The following PCDH11X variants were observed in gnomAD, a reference collection of about 807,000 sequenced individuals.
PCDH11X encodes protocadherin 11 X-linked, also known as protocadherin-11 X-linked.
In PCDH11X, 18 loss-of-function variants were observed where a neutral mutation model predicts 53.3. The ratio of observed to expected loss-of-function variants is 0.34; its 90% confidence interval spans 0.23 to 0.50. PCDH11X has a LOEUF of 0.50. Ranked by LOEUF, PCDH11X falls within the 20% of genes least tolerant of loss-of-function variation. PCDH11X has a pLI of 0.98. For missense variants in PCDH11X, 570 were observed against 1,032.4 expected (o/e 0.55, Z 6.14); for synonymous variants, 279 against 393.3 (o/e 0.71, Z 3.44).
intron 6 of PCDH11X, among the ~76,000 whole-genome samples, chrX:91,954,642 A>G (rs1331994671): frequency 5.4e-5 from 6 of 110,434 alleles, no homozygotes; most frequent in Non-Finnish European, 1.1e-4. Flanking sequence ...AATTTTTAAT[A>G]ATAGCCATTC....
intron 4 of PCDH11X, among the ~76,000 whole-genome samples, chrX:91,818,174 TAC>T (rs1936511990): frequency 1.8e-5 from 2 of 111,374 alleles, no homozygotes; most frequent in South Asian, 7.4e-4. Context: ...CTGAAATCAT[TAC>T]AGAGTATGTT....
chrX:92,228,347 C>A (rs2067007311), intron 7 of PCDH11X, among the ~76,000 whole-genome samples: 1 of 111,575 alleles, frequency 9.0e-6, no homozygotes, highest in Non-Finnish European at 1.9e-5. Context: ...AAATGAGTGC[C>A]TAAGTCTTGG....
chrX:92,281,289 T>G (rs2068246787), intron 8 of PCDH11X, among the ~76,000 whole-genome samples: 1 of 111,461 alleles, frequency 9.0e-6, no homozygotes, highest in Non-Finnish European at 1.9e-5. Context: ...TACACAAGAG[T>G]ACACCAGGAA....
At chrX:91,887,924 C>A (rs754447838) in intron 6 of PCDH11X, among the ~76,000 whole-genome samples, 2 of 111,505 alleles carry the variant, frequency 1.8e-5, no homozygotes, top group East Asian at 5.6e-4. Context: ...AATATCAAGT[C>A]TTGATGAAAA....
chrX:92,122,355 T>C, intron 6 of PCDH11X, among the ~76,000 whole-genome samples: 1 of 111,396 alleles, frequency 9.0e-6, no homozygotes, highest in East Asian at 2.8e-4. Context: ...GAAATAAATA[T>C]AATGAAACTA....
chrX:91,964,091 G>A (rs2061830819), intron 6 of PCDH11X, among the ~76,000 whole-genome samples: 1 of 106,781 alleles, frequency 9.4e-6, no homozygotes, highest in East Asian at 2.9e-4. Context: ...AATAAATTTA[G>A]GGGCAAATTT....
chrX:92,525,509 T>A (rs1294358073), intron 10 of PCDH11X, among the ~76,000 whole-genome samples: 3 of 107,691 alleles, frequency 2.8e-5, no homozygotes, highest in Admixed American at 1.0e-4. Context: ...TGCATGCCTG[T>A]AATCCCAGCT....
intron 9 of PCDH11X, among the ~76,000 whole-genome samples, chrX:92,463,069 T>A (rs2750526): frequency 1.9e-5 from 2 of 104,809 alleles, no homozygotes; most frequent in African/African-American, 3.6e-5. Context: ...GGCTAGATTC[T>A]CTTTATATAG....
intron 6 of PCDH11X, among the ~76,000 whole-genome samples, chrX:92,141,334 C>T (rs1165127725): frequency 9.0e-6 from 1 of 111,133 alleles, no homozygotes; most frequent in Non-Finnish European, 1.9e-5. Context: ...TAGTATGGGC[C>T]CATACCTTGT....
chrX:92,175,776 G>GTGTGTGTGTGTGTA (rs779454685), intron 6 of PCDH11X, among the ~76,000 whole-genome samples: 23 of 79,270 alleles, frequency 2.9e-4, no homozygotes, highest in East Asian at 8.6e-4. Flanking sequence ...GTGTGTGTGT[G>GTGTGTGTGTGTGTA]TATATATATA....
chrX:92,560,770 A>C (rs1363245581), intron 10 of PCDH11X, among the ~76,000 whole-genome samples: 5 of 104,343 alleles, frequency 4.8e-5, no homozygotes, highest in African/African-American at 1.8e-4. Context: ...GCCACAATGG[A>C]AGAGAACATC....
intron 7 of PCDH11X, among the ~76,000 whole-genome samples, chrX:92,214,397 G>A (rs1004418925): frequency 5.4e-5 from 6 of 112,105 alleles, no homozygotes; most frequent in Admixed American, 9.5e-5. Flanking sequence ...GGTTCTCTTT[G>A]TAGTAAGAAT....
intron 8 of PCDH11X, among the ~76,000 whole-genome samples, chrX:92,271,721 C>T (rs1006668761): frequency 1.3e-4 from 15 of 111,948 alleles, no homozygotes; most frequent in East Asian, 8.4e-4. Context: ...CATATTTTGG[C>T]GTGGAATATC....
intron 8 of PCDH11X, among the ~76,000 whole-genome samples, chrX:92,264,059 T>G (rs941632539): frequency 4.5e-5 from 5 of 111,896 alleles, no homozygotes; most frequent in African/African-American, 1.6e-4. Context: ...ATATATATAA[T>G]CTTAAAGATG....
In PCDH11X at chrX:92,263,114, CG is replaced by C; in HGVS notation, c.3117del (p.Lys1040AsnfsTer81). 1 of 1,181,733 alleles carries C rather than the reference CG, an allele frequency of 8.5e-7. No individual in the cohort carries two copies. The highest frequency in any genetic ancestry group is 1.1e-6 in the Non-Finnish European group (1 of 877,915). On this transcript the variant is annotated frameshift_variant and splice_region_variant, in exon 8 of 11. Transcript: ENST00000682573. LOFTEE classifies it high-confidence loss of function. Reference sequence around the variant, plus strand: ...TTGCCTCCATTTTATCCTAAATCAGCGGAAATCTGAAGGGAAAGTGGCAGGA... The same window carrying C: ...TTGCCTCCATTTTATCCTAAATCAGCGAAATCTGAAGGGAAAGTGGCAGGA... ...MEIWIHPQPQ[R>X]KSEGKVAGKS...
chrX:92,291,582 ACTAT>A (rs1188113232), intron 8 of PCDH11X, among the ~76,000 whole-genome samples: 1 of 99,123 alleles, frequency 1.0e-5, no homozygotes, highest in Non-Finnish European at 2.0e-5. Context: ...AGCAAAATGA[ACTAT>A]CTAATTACTC....
At chrX:92,536,337 A>G (rs1691222172) in intron 10 of PCDH11X, among the ~76,000 whole-genome samples, 2 of 111,277 alleles carry the variant, frequency 1.8e-5, no homozygotes, top group South Asian at 7.4e-4. Flanking sequence ...TTGGGCTTCA[A>G]TGTGCTCCTG....
intron 8 of PCDH11X, among the ~76,000 whole-genome samples, chrX:92,296,624 A>AC (rs2068615555): frequency 9.1e-6 from 1 of 110,424 alleles, no homozygotes; most frequent in African/African-American, 3.3e-5. Context: ...CCTATGTACC[A>AC]CATTGTTTTA....
chrX:92,044,240 C>T (rs1014643940), intron 6 of PCDH11X, among the ~76,000 whole-genome samples: 6 of 104,595 alleles, frequency 5.7e-5, no homozygotes, highest in Non-Finnish European at 7.8e-5. Context: ...TACTGATAAG[C>T]GCTGAAGGCT....
Sources: gnomAD v4.1 joint callset for allele counts (sites outside exome capture counted in the v4.1 genomes callset) on GRCh38, gnomAD v4.1.1 for gene constraint, MANE v1.5 for transcripts, NCBI Gene and HGNC (gene_info 2026-07-23, HGNC 2026-07-21) for gene names.